TENM4: variants seen among roughly 807,000 people sequenced by gnomAD.
The protein encoded by TENM4 is teneurin transmembrane protein 4.
TENM4 carries 82 observed loss-of-function variants against 243.3 expected under a neutral mutation model. That is an observed-to-expected ratio of 0.34 (90% confidence interval 0.28 to 0.40). The LOEUF is 0.40. TENM4 is among the 10% of genes least tolerant of loss of function. The pLI, the probability that TENM4 is intolerant of heterozygous loss-of-function variation, is 1.00. For missense variants in TENM4, 3,138 were observed against 3,673.3 expected (o/e 0.85, Z 3.77); for synonymous variants, 1,412 against 1,456.3 (o/e 0.97, Z 0.69).
At chr11:78,965,830 G>A (rs977566470) in intron 6 of TENM4, among the ~76,000 whole-genome samples, 9 of 150,362 alleles carry the variant, frequency 6.0e-5, no homozygotes, top group Non-Finnish European at 8.9e-5. Context: ...AGTTATTATT[G>A]GAAACAAGTT....
At chr11:78,763,750 G>A (rs1856482997) in intron 18 of TENM4, among the ~76,000 whole-genome samples, 2 of 152,200 alleles carry the variant, frequency 1.3e-5, no homozygotes, top group African/African-American at 2.4e-5. Flanking sequence ...TGCCCGAGAC[G>A]CAATTTGCTC....
intron 12 of TENM4, among the ~76,000 whole-genome samples, chr11:78,840,739 T>G (rs751682144): frequency 3.9e-5 from 6 of 152,020 alleles, no homozygotes; most frequent in Non-Finnish European, 5.9e-5. Context: ...CCCAGTGTTG[T>G]ATGAAAGGAA....
At chr11:78,992,868 C>T (rs1858080501) in intron 6 of TENM4, among the ~76,000 whole-genome samples, 1 of 152,156 alleles carries the variant, frequency 6.6e-6, no homozygotes, top group Non-Finnish European at 1.5e-5. Flanking sequence ...TGGCTTACCA[C>T]AGCACCAGGC....
intron 6 of TENM4, among the ~76,000 whole-genome samples, chr11:79,023,423 G>A (rs189876908): frequency 2.7e-4 from 41 of 152,072 alleles, no homozygotes; most frequent in Admixed American, 3.9e-4. Flanking sequence ...TTAGCCGGGC[G>A]CAGTGGTGTG....
intron 6 of TENM4, among the ~76,000 whole-genome samples, chr11:78,942,558 A>T (rs12418623): frequency 0.1 from 15,549 of 152,154 alleles, 1,574 homozygotes; most frequent in African/African-American, 0.25. Context: ...CTGTGGGCCA[A>T]GGGTTGGACA....
intron 3 of TENM4, among the ~76,000 whole-genome samples, chr11:79,153,112 G>T (rs934376093): frequency 6.6e-6 from 1 of 152,220 alleles, no homozygotes; most frequent in African/African-American, 2.4e-5. Context: ...CACGAAGCTA[G>T]AAGATGACTA....
At chr11:79,004,959 AAAC>A (rs1423967325) in intron 6 of TENM4, among the ~76,000 whole-genome samples, 14 of 148,722 alleles carry the variant, frequency 9.4e-5, no homozygotes, top group African/African-American at 3.1e-4. Context: ...AAAAAAAAAA[AAAC>A]AACTCTGACT....
At chr11:78,959,230 G>T (rs1857268437) in intron 6 of TENM4, among the ~76,000 whole-genome samples, 1 of 151,916 alleles carries the variant, frequency 6.6e-6, no homozygotes, top group Admixed American at 6.6e-5. Flanking sequence ...TCGGAGGAAG[G>T]ATTATAAGAG....
chr11:79,013,899 C>T (rs1858710577), intron 6 of TENM4, among the ~76,000 whole-genome samples: 1 of 152,190 alleles, frequency 6.6e-6, no homozygotes, highest in African/African-American at 2.4e-5. Context: ...ACTTTTCTAA[C>T]CACTCTTTAA....
chr11:79,117,025 C>CCAT (rs1414285138), intron 4 of TENM4, among the ~76,000 whole-genome samples: 1 of 152,198 alleles, frequency 6.6e-6, no homozygotes, highest in Non-Finnish European at 1.5e-5. Flanking sequence ...GCTACTATCA[C>CCAT]CATCATCATC....
intron 19 of TENM4, among the ~76,000 whole-genome samples, chr11:78,745,678 A>G (rs1232594746): frequency 6.6e-6 from 1 of 152,164 alleles, no homozygotes; most frequent in Non-Finnish European, 1.5e-5. Context: ...TTGCTTTCTT[A>G]TTTCTTAAGA....
In TENM4 at chr11:79,352,644, A is replaced by C. The variant is rs183174142; in HGVS notation, c.-320-55101T>G. On this transcript the variant is annotated intron_variant, in intron 1 of 33. Transcript: ENST00000278550. ...ACAGGCCTGGGCAGGCGAGAGAGGC[A>C]AGGGGAAAATTCTGCCCCTTGCTCT... Among the ~76,000 whole-genome samples the C allele has an allele frequency of 1.4e-3, 217 of 152,298 alleles. 2 individuals carry two copies. Among genetic ancestry groups the C allele is most frequent in the African/African-American group, 5.1e-3 (210 of 41,568 alleles).
intron 6 of TENM4, among the ~76,000 whole-genome samples, chr11:78,982,502 C>T (rs1857821709): frequency 1.3e-5 from 2 of 152,146 alleles, no homozygotes; most frequent in African/African-American, 4.8e-5. Context: ...GGGTCCCCTG[C>T]AGTGAGTCCG....
At chr11:79,305,752 TC>T (rs1403514860) in intron 1 of TENM4, among the ~76,000 whole-genome samples, 2 of 152,162 alleles carry the variant, frequency 1.3e-5, no homozygotes, top group Non-Finnish European at 2.9e-5. Context: ...CTGGCTGCAT[TC>T]GAGACAGACT....
chr11:79,206,917 G>C (rs1863859771), intron 3 of TENM4, among the ~76,000 whole-genome samples: 1 of 152,110 alleles, frequency 6.6e-6, no homozygotes, highest in Non-Finnish European at 1.5e-5. Context: ...TTAGTCCTGG[G>C]CAGGACTAAG....
chr11:78,880,673 A>G (rs1855406149), intron 9 of TENM4, among the ~76,000 whole-genome samples: 1 of 152,192 alleles, frequency 6.6e-6, no homozygotes, highest in South Asian at 2.1e-4. Flanking sequence ...CAAGGATAAC[A>G]CACAGAAAAC....
chr11:79,272,748 C>T (rs1855991265), intron 2 of TENM4, among the ~76,000 whole-genome samples: 1 of 152,152 alleles, frequency 6.6e-6, no homozygotes, highest in African/African-American at 2.4e-5. Context: ...TCAGAGGTCA[C>T]TTCCTCCTGG....
At chr11:78,741,798 C>G (rs1239976735) in intron 19 of TENM4, among the ~76,000 whole-genome samples, 2 of 152,188 alleles carry the variant, frequency 1.3e-5, no homozygotes, top group Admixed American at 1.3e-4. Flanking sequence ...GAACGTAGAA[C>G]TCCGCAGTGG....
chr11:78,710,690 T>A (rs1859377102), intron 26 of TENM4, among the ~76,000 whole-genome samples: 2 of 152,214 alleles, frequency 1.3e-5, no homozygotes, highest in South Asian at 4.1e-4. Context: ...CCTGATTAAT[T>A]ACCTAATTTT....
Sources: gnomAD v4.1 joint callset for allele counts (sites outside exome capture counted in the v4.1 genomes callset) on GRCh38, gnomAD v4.1.1 for gene constraint, MANE v1.5 for transcripts, NCBI Gene and HGNC (gene_info 2026-07-23, HGNC 2026-07-21) for gene names.